The following NALCN variants were observed in gnomAD, a reference collection of about 807,000 sequenced individuals.
The protein encoded by NALCN is sodium leak channel, non-selective, also known as sodium leak channel NALCN.
Under a neutral mutation model 225.3 loss-of-function variants are expected in NALCN, and 111 were observed. The observed-to-expected ratio is 0.49, with a 90% CI of 0.42 to 0.58. The LOEUF (loss-of-function observed/expected upper bound fraction) is 0.58. NALCN is among the 20% of genes least tolerant of loss of function. The probability of loss-of-function intolerance (pLI) is 0.00; values close to 1 mark genes in which losing one functional copy is unlikely to be tolerated. For synonymous variants in NALCN, 764 were observed against 769.0 expected, an observed-to-expected ratio of 0.99 and a Z score of 0.11; for missense variants, 1,378 against 2,202.4, an observed-to-expected ratio of 0.63 and a Z score of 7.49.
At chr13:101,160,162 G>C (rs1443690667) in intron 15 of NALCN, among the ~76,000 whole-genome samples, 1 of 152,086 alleles carries the variant, frequency 6.6e-6, no homozygotes, top group Non-Finnish European at 1.5e-5. Context: ...CACCATGTTA[G>C]CCAGGATGGT....
rs193046549 is a variant in NALCN, at chr13:101,069,486, G to A, written c.4198-659C>T. Among the ~76,000 whole-genome samples, 427 of 152,332 alleles carry A rather than the reference G, an allele frequency of 2.8e-3. 3 individuals are homozygous for A. The highest frequency in any genetic ancestry group is 9.4e-3 in the African/African-American group (389 of 41,568). ...GTTGTAATCTTCTGCTGGTGGTGGAGGGTCTTGCCTCAATGTTGACAGCTG... is the reference window on the plus strand; with the variant it reads ...GTTGTAATCTTCTGCTGGTGGTGGAAGGTCTTGCCTCAATGTTGACAGCTG... On this transcript the variant is annotated intron_variant, in intron 37 of 43. Transcript: ENST00000251127.
intron 1 of NALCN, among the ~76,000 whole-genome samples, chr13:101,407,934 G>C (rs1050999923): frequency 6.6e-6 from 1 of 152,210 alleles, no homozygotes; most frequent in East Asian, 1.9e-4. Flanking sequence ...GGTTTATTAA[G>C]TGTGAGGCTA....
chr13:101,150,279 G>A (rs1387262886), intron 15 of NALCN, among the ~76,000 whole-genome samples: 6 of 152,200 alleles, frequency 3.9e-5, no homozygotes, highest in East Asian at 1.9e-4. Flanking sequence ...AGTATGGAAA[G>A]GAGCTTCTAA....
intron 1 of NALCN, among the ~76,000 whole-genome samples, chr13:101,412,131 GT>G (rs1422142162): frequency 6.6e-6 from 1 of 152,088 alleles, no homozygotes; most frequent in African/African-American, 2.4e-5. Context: ...TTTATTAATT[GT>G]TTTGGTACAT....
chr13:101,171,182 ATATG>A (rs1448844859), intron 15 of NALCN, among the ~76,000 whole-genome samples: 3 of 151,396 alleles, frequency 2.0e-5, no homozygotes, highest in Non-Finnish European at 4.4e-5. Flanking sequence ...TGTTTTATAT[ATATG>A]TGTGTATAAA....
chr13:101,356,287 TAGAC>T (rs1481010568), intron 6 of NALCN, among the ~76,000 whole-genome samples: 17 of 152,012 alleles, frequency 1.1e-4, no homozygotes, highest in Admixed American at 3.9e-4. Context: ...ACAAAATAGA[TAGAC>T]AGACTGCTAG....
At chr13:101,115,494 A>T in intron 18 of NALCN, among the ~76,000 whole-genome samples, 1 of 152,202 alleles carries the variant, frequency 6.6e-6, no homozygotes. Flanking sequence ...AGTAACTACA[A>T]AATTTGAGAC....
chr13:101,142,245 G>A (rs1266671543), intron 17 of NALCN, among the ~76,000 whole-genome samples: 1 of 147,658 alleles, frequency 6.8e-6, no homozygotes, highest in Non-Finnish European at 1.5e-5. Flanking sequence ...AGGTTCGAGT[G>A]ATTCTCCTGC....
intron 17 of NALCN, among the ~76,000 whole-genome samples, chr13:101,128,131 G>T (rs2036331060): frequency 6.6e-6 from 1 of 152,328 alleles, no homozygotes; most frequent in Middle Eastern, 3.4e-3. Flanking sequence ...GGAAGGGGAT[G>T]AATGATGGAA....
In NALCN at chr13:101,103,313, C is replaced by T. The variant is rs199998571; in HGVS notation, c.2916G>A (p.Met972Ile). The T allele has an allele frequency of 3.1e-6, 5 of 1,612,242 alleles. No individual in the cohort carries two copies. The highest frequency in any genetic ancestry group is 4.2e-6 in the Non-Finnish European group (5 of 1,179,412). ...YLVSLIFLCWMPQNVPAESGA... is the reference protein window; with the variant it reads ...YLVSLIFLCWIPQNVPAESGA... Reference sequence around the variant, plus strand: ...CCGATTCAGCAGGTACATTTTGAGGCATCCAACAAAGAAATATCAAGCTCA... The same window carrying T: ...CCGATTCAGCAGGTACATTTTGAGGTATCCAACAAAGAAATATCAAGCTCA... The change falls in exon 26 of 44, where the codon ATG becomes ATA. Residue 972 changes from methionine to isoleucine, a missense_variant. Physicochemically the swap from Met to Ile is conservative, Grantham distance 10 (BLOSUM62 1). Transcript: ENST00000251127.
At chr13:101,248,661 C>A (rs2041972375) in intron 11 of NALCN, among the ~76,000 whole-genome samples, 1 of 152,170 alleles carries the variant, frequency 6.6e-6, no homozygotes, top group South Asian at 2.1e-4. Context: ...TGTTTCACAT[C>A]CATGTGCTGA....
In NALCN at chr13:101,089,058, C is replaced by T. The variant is rs909207122; in HGVS notation, c.3489+605G>A. Among the ~76,000 whole-genome samples, 3 of 151,988 alleles carry T rather than the reference C, an allele frequency of 2.0e-5. No homozygotes were observed. Among genetic ancestry groups the T allele is most frequent in the East Asian group, 1.9e-4 (1 of 5,156 alleles). On this transcript the variant is annotated intron_variant, in intron 30 of 43. Coordinates refer to ENST00000251127, the MANE Select transcript of NALCN (RefSeq NM_052867.4). This position sits in a 1 kb window ranked among gnomAD's most constrained non-coding sequence, Gnocchi z 4.7. ...GATTACAGGCATGCGCCACCACGCC[C>T]GGCTAATTTTTGTATTTTTAGTAGA...
intron 28 of NALCN, among the ~76,000 whole-genome samples, chr13:101,091,940 TA>T (rs1276250077): frequency 1.3e-5 from 2 of 152,132 alleles, no homozygotes; most frequent in South Asian, 2.1e-4. Flanking sequence ...TTTATCACAT[TA>T]AAAAAATAAG....
chr13:101,122,198 C>T (rs1025883159), intron 18 of NALCN, among the ~76,000 whole-genome samples: 1 of 152,020 alleles, frequency 6.6e-6, no homozygotes, highest in African/African-American at 2.4e-5. Flanking sequence ...TTGCACTTGC[C>T]CTTAATTCAT....
At chr13:101,153,199 G>C (rs1290955463) in intron 15 of NALCN, among the ~76,000 whole-genome samples, 2 of 152,110 alleles carry the variant, frequency 1.3e-5, no homozygotes, top group African/African-American at 4.8e-5. Flanking sequence ...TAAAAAATGA[G>C]GATCTTTAGT....
In NALCN at chr13:101,089,512, A is replaced by C; in HGVS notation, c.3489+151T>G. 1 of 650,390 alleles carries C rather than the reference A, an allele frequency of 1.5e-6. No homozygotes were observed. Among genetic ancestry groups the C allele is most frequent in the East Asian group, 2.7e-5 (1 of 36,404 alleles). The allele number at this position is 650,390 out of a possible 1,614,324, so 40.3% of individuals were successfully genotyped here. Reference sequence around the variant, plus strand: ...ATAATGTGTCTGAAAAGCAGCAATGAGGGAGCTTGTAAAACAGTTATAGAG... The same window carrying C: ...ATAATGTGTCTGAAAAGCAGCAATGCGGGAGCTTGTAAAACAGTTATAGAG... On this transcript the variant is annotated intron_variant, in intron 30 of 43. Coordinates refer to ENST00000251127, the MANE Select transcript of NALCN (RefSeq NM_052867.4). This position sits in a 1 kb window ranked among gnomAD's most constrained non-coding sequence, Gnocchi z 4.7.
At chr13:101,080,355 C>T (rs1319538155) in intron 34 of NALCN, among the ~76,000 whole-genome samples, 1 of 151,746 alleles carries the variant, frequency 6.6e-6, no homozygotes, top group East Asian at 1.9e-4. Flanking sequence ...CATACTCAGC[C>T]AAAGACTTCA....
chr13:101,163,899 C>T (rs534006562), intron 15 of NALCN, among the ~76,000 whole-genome samples: 2 of 152,274 alleles, frequency 1.3e-5, no homozygotes, highest in South Asian at 4.1e-4. Flanking sequence ...GGGTCTACTC[C>T]ATGGGACTTT....
intron 40 of NALCN, among the ~76,000 whole-genome samples, chr13:101,062,416 G>C (rs2032026482): frequency 6.6e-6 from 1 of 152,106 alleles, no homozygotes; most frequent in Non-Finnish European, 1.5e-5. Flanking sequence ...TAAAGCAAAA[G>C]ATCCAGGCTA....
Sources: allele counts gnomAD v4.1 joint callset (sites outside exome capture counted in the v4.1 genomes callset), GRCh38; gene constraint gnomAD v4.1.1; non-coding constraint Gnocchi (gnomAD v3.1); transcripts MANE v1.5; gene names NCBI Gene and HGNC (gene_info 2026-07-23, HGNC 2026-07-21).